The following LLPH variants were observed in gnomAD, a reference collection of about 807,000 sequenced individuals.
The protein encoded by LLPH is protein LLP homolog.
In LLPH, 5 loss-of-function variants were observed where a neutral mutation model predicts 13.3. That is an observed-to-expected ratio of 0.38 (90% CI 0.20 to 0.79). LLPH has a LOEUF of 0.79. Among genes scored for constraint, LLPH ranks in the 30% least tolerant of loss-of-function variants. The probability of loss-of-function intolerance (pLI) is 0.45; values close to 1 mark genes in which losing one functional copy is unlikely to be tolerated. For synonymous variants in LLPH, 32 were observed against 44.2 expected (o/e 0.72, Z 1.09); for missense variants, 129 against 152.1 (o/e 0.85, Z 0.80).
At chr12:66,126,241 G>A (rs1022501260) in intron 2 of LLPH, among the ~76,000 whole-genome samples, 22 of 151,026 alleles carry the variant, frequency 1.5e-4, no homozygotes, top group Non-Finnish European at 2.2e-4. Context: ...GGAGAATGGC[G>A]CGAACCCGGG....
rs1437562718 is a variant in LLPH at position 66,129,392 on chromosome 12, T to TTC, written c.-7-280_-7-279insGA. ...AAAGCACCTTGCATGTCTTTTTTCT[T>TTC]TTTTTTTTTTTGAGACAGAGTCTTG... On this transcript the variant is annotated intron_variant, in intron 1 of 2. Coordinates refer to ENST00000266604, the MANE Select transcript of LLPH (RefSeq NM_032338.4). 2.7e-5 allele frequency among the ~76,000 whole-genome samples: 4 copies of TTC among 148,022 alleles called. No homozygotes were observed. The South Asian group carries it at 6.3e-4, about 23-fold the overall frequency.
intron 2 of LLPH, among the ~76,000 whole-genome samples, chr12:66,126,295 G>A (rs1246835486): frequency 6.7e-6 from 1 of 149,926 alleles, no homozygotes; most frequent in African/African-American, 2.5e-5. Flanking sequence ...CTGCACTCCA[G>A]CCTGGGCGAC....
intron 1 of LLPH, among the ~76,000 whole-genome samples, chr12:66,130,139 T>C (rs2051525826): frequency 6.6e-6 from 1 of 152,206 alleles, no homozygotes; most frequent in Admixed American, 6.5e-5. Flanking sequence ...GCCTGGCAAC[T>C]GCTCTTCTCA....
chr12:66,127,598 C>T (rs1224298166), intron 2 of LLPH, among the ~76,000 whole-genome samples: 3 of 152,018 alleles, frequency 2.0e-5, no homozygotes, highest in Non-Finnish European at 4.4e-5. Flanking sequence ...GATGGTTGCA[C>T]AACATGAATG....
intron 2 of LLPH, among the ~76,000 whole-genome samples, chr12:66,125,543 G>A (rs564954280): frequency 6.6e-6 from 1 of 152,168 alleles, no homozygotes; most frequent in African/African-American, 2.4e-5. Context: ...CCACCCTTTA[G>A]CTCCTAAAAT....
intron 2 of LLPH, among the ~76,000 whole-genome samples, chr12:66,128,533 A>T (rs2051511604): frequency 6.6e-6 from 1 of 152,170 alleles, no homozygotes; most frequent in South Asian, 2.1e-4. Context: ...GTACCCTTCC[A>T]ACCAGAGTAT....
chr12:66,123,878 CT>C lies in LLPH; in HGVS notation c.351del (p.Ala118GlnfsTer4). The C allele has an allele frequency of 6.2e-7, 1 of 1,612,140 alleles. No individual in the cohort carries two copies. Among genetic ancestry groups the C allele is most frequent in the East Asian group, 2.2e-5 (1 of 44,878 alleles). On this transcript the variant is annotated frameshift_variant, in exon 3 of 3. Coordinates refer to ENST00000266604, the MANE Select transcript of LLPH (RefSeq NM_032338.4). LOFTEE classifies it high-confidence loss of function. ...AKREKRKGKS[K>X]AKAVKVAKGL... is the part of the protein sequence containing the mutation. The stretch of plus-strand genomic sequence containing the variant: ...CCCTTTGCCACTTTCACTGCTTTTG[CT>C]TTGCTTTTCCCCTTTCTTTTCTCTC...
chr12:66,126,618 A>C (rs990690286), intron 2 of LLPH, among the ~76,000 whole-genome samples: 1 of 152,152 alleles, frequency 6.6e-6, no homozygotes, highest in Non-Finnish European at 1.5e-5. Flanking sequence ...AAGATAATAC[A>C]AATGGTCAAT....
intron 1 of LLPH, among the ~76,000 whole-genome samples, chr12:66,129,741 C>T (rs1329559961): frequency 1.3e-5 from 2 of 152,188 alleles, no homozygotes; most frequent in African/African-American, 4.8e-5. Flanking sequence ...AGCGTCATCA[C>T]CTTACATTTA....
intron 2 of LLPH, 112 bp downstream of exon 2, chr12:66,128,784 T>A: frequency 2.8e-6 from 2 of 713,834 alleles, no homozygotes. Context: ...AATTCAAGGC[T>A]GCAGGAAGCT....
rs2051459796 is a variant in LLPH, at chr12:66,121,045, A to G, written c.*2795T>C. Reference sequence around the variant, plus strand: ...TCTGGTAATGGTGCTTTGATTTTTGATTTTGTTAACTTTCAAGTTAAATCC... The same window carrying G: ...TCTGGTAATGGTGCTTTGATTTTTGGTTTTGTTAACTTTCAAGTTAAATCC... On this transcript the variant is annotated 3_prime_UTR_variant, in exon 3 of 3. Transcript: ENST00000266604. 6.6e-6 allele frequency: 1 copy of G among 152,098 alleles called. No individual in the cohort carries two copies. The highest frequency in any genetic ancestry group is 1.5e-5 in the Non-Finnish European group (1 of 68,008). 9.4% of individuals were successfully genotyped at this position (152,098 alleles called of 1,614,324 possible). A position where few individuals can be genotyped will look rare whatever the true frequency, so the allele number is the denominator to read the frequency against.
chr12:66,125,023 CA>C (rs1470143413), intron 2 of LLPH, among the ~76,000 whole-genome samples: 48 of 152,226 alleles, frequency 3.2e-4, no homozygotes, highest in African/African-American at 1.0e-3. Context: ...CGCCTGTGAA[CA>C]GCCACTATAC....
intron 2 of LLPH, 27 bp downstream of exon 2, chr12:66,128,869 A>T: frequency 2.8e-5 from 38 of 1,380,662 alleles, no homozygotes; most frequent in Non-Finnish European, 3.4e-5. Flanking sequence ...AAAAAAAAAG[A>T]GAAAGAAAAA....
Position 66,128,924 on chromosome 12 carries a change from T to G in LLPH, c.183A>C (p.Lys61Asn). The G allele has an allele frequency of 6.2e-7, 1 of 1,612,978 alleles. No individual in the cohort carries two copies. Among genetic ancestry groups the G allele is most frequent in the African/African-American group, 1.3e-5 (1 of 74,990 alleles). ...TTTCATCTTTTACCTCACATTGCAT[T>G]TTCTCTTGGCAATGTTTGGGTTTGG... ...VVPKPKHCQE[K>N]MQCEVKDEKD... Residue 61 changes from lysine to asparagine, a missense_variant, in exon 2 of 3, where the codon AAA becomes AAC. Lys to Asn is a moderately conservative substitution (Grantham distance 94). Transcript: ENST00000266604.
At position 66,121,378 on chromosome 12, in the gene LLPH, G is replaced by C. The variant is rs2051461796; in HGVS notation, c.*2462C>G. On this transcript the variant is annotated 3_prime_UTR_variant, in exon 3 of 3. Coordinates refer to ENST00000266604, the MANE Select transcript of LLPH (RefSeq NM_032338.4). ...ACTCACTGCAACCTCTGCCTCCCAG[G>C]TTCAAGCGATTCTCCTTCCTCAGCC... 1 of 150,534 alleles carries C rather than the reference G, an allele frequency of 6.6e-6. No individual in the cohort carries two copies. Among genetic ancestry groups the C allele is most frequent in the Admixed American group, 6.6e-5 (1 of 15,094 alleles). The allele number at this position is 150,534 out of a possible 1,614,324, so 9.3% of individuals were successfully genotyped here.
chr12:66,119,099 G>A lies in LLPH; in HGVS notation c.*4741C>T, dbSNP rs1271642723. 21 of 152,064 alleles carry A rather than the reference G, an allele frequency of 1.4e-4. No individual in the cohort carries two copies. The highest frequency in any genetic ancestry group is 1.2e-3 in the Admixed American group (19 of 15,268). 9.4% of individuals were successfully genotyped at this position (152,064 alleles called of 1,614,324 possible). The stretch of plus-strand genomic sequence containing the variant: ...ATTCATTCTATACTCTGGGACAGGC[G>A]GCTTGCTCACTACTTAGCAGTTGCA... On this transcript the variant is annotated 3_prime_UTR_variant, in exon 3 of 3. Coordinates refer to ENST00000266604, the MANE Select transcript of LLPH (RefSeq NM_032338.4).
rs1010071758 is a variant in LLPH at position 66,117,462 on chromosome 12, T to G, written c.*6378A>C. 2.0e-5 allele frequency: 3 copies of G among 152,346 alleles called. No homozygotes were observed. The highest frequency in any genetic ancestry group is 6.5e-5 in the Admixed American group (1 of 15,298). The allele number at this position is 152,346 out of a possible 1,614,324, so 9.4% of individuals were successfully genotyped here. ...TTAACATCACAGTGCAATGCATTAC[T>G]CACGTGTTTGTGGTGATGCTGGTGT... is the stretch of plus-strand genomic sequence containing the variant. On this transcript the variant is annotated 3_prime_UTR_variant, in exon 3 of 3. Coordinates refer to ENST00000266604, the MANE Select transcript of LLPH (RefSeq NM_032338.4).
chr12:66,125,482 T>C (rs540606322), intron 2 of LLPH, among the ~76,000 whole-genome samples: 1 of 152,282 alleles, frequency 6.6e-6, no homozygotes, highest in South Asian at 2.1e-4. Context: ...GAGAGCCAAA[T>C]TGATAACAAA....
In LLPH at chr12:66,130,693, A is replaced by C. The variant is rs1251794951; in HGVS notation, c.-8+12T>G. On this transcript the variant is annotated intron_variant, in intron 1 of 2. Coordinates refer to ENST00000266604, the MANE Select transcript of LLPH (RefSeq NM_032338.4). ...CCCATGTGTCACTGGACCGGTGAGG[A>C]ACCGAACTCACCTGAGAAACGAACA... The C allele has an allele frequency of 6.6e-6, 1 of 152,282 alleles. No homozygotes were observed. Among genetic ancestry groups the C allele is most frequent in the Non-Finnish European group, 1.5e-5 (1 of 68,066 alleles). 9.4% of individuals were successfully genotyped at this position (152,282 alleles called of 1,614,324 possible).
Sources: allele counts gnomAD v4.1 joint callset (sites outside exome capture counted in the v4.1 genomes callset), GRCh38; gene constraint gnomAD v4.1.1; transcripts MANE v1.5; gene names NCBI Gene and HGNC (gene_info 2026-07-23, HGNC 2026-07-21).